CSMD1: variants seen among roughly 807,000 people sequenced by gnomAD.
The protein encoded by CSMD1 is CUB and Sushi multiple domains 1.
Under a neutral mutation model 417.5 loss-of-function variants are expected in CSMD1, and 213 were observed. The ratio of observed to expected loss-of-function variants is 0.51; its 90% CI spans 0.46 to 0.57. The LOEUF (loss-of-function observed/expected upper bound fraction) is 0.57, where lower values mean the gene tolerates loss of function less well. Ranked by LOEUF, CSMD1 falls within the 20% of genes least tolerant of loss-of-function variation. The pLI, the probability that CSMD1 is intolerant of heterozygous loss-of-function variation, is 0.00. For synonymous variants in CSMD1, 2,862 were observed against 1,736.8 expected (o/e 1.65, Z -16.11); for missense variants, 6,923 against 4,529.7 (o/e 1.53, Z -15.17).
intron 1 of CSMD1, among the ~76,000 whole-genome samples, chr8:4,688,151 G>A (rs928905408): frequency 6.6e-6 from 1 of 152,004 alleles, no homozygotes. Flanking sequence ...AAGGTTCTAA[G>A]GTATTTGATT....
intron 3 of CSMD1, among the ~76,000 whole-genome samples, chr8:4,153,397 G>C (rs559932861): frequency 1.3e-5 from 2 of 152,264 alleles, no homozygotes; most frequent in East Asian, 1.9e-4. Flanking sequence ...TGCAGTTCTA[G>C]GTTCCCTAGC....
intron 5 of CSMD1, among the ~76,000 whole-genome samples, chr8:3,767,495 C>T (rs1798342413): frequency 6.6e-6 from 1 of 152,180 alleles, no homozygotes; most frequent in African/African-American, 2.4e-5. Context: ...TTCTACTTCC[C>T]CCAACCTAAC....
chr8:4,288,389 T>A (rs1287227813), intron 3 of CSMD1, among the ~76,000 whole-genome samples: 1 of 152,188 alleles, frequency 6.6e-6, no homozygotes, highest in Non-Finnish European at 1.5e-5. Flanking sequence ...CTTACAAGAA[T>A]GACCTACAAA....
intron 51 of CSMD1, among the ~76,000 whole-genome samples, chr8:3,026,652 T>C (rs920377890): frequency 1.3e-5 from 2 of 152,200 alleles, no homozygotes; most frequent in African/African-American, 4.8e-5. Context: ...CCGTGAACTC[T>C]GCCCTGTGAG....
intron 1 of CSMD1, among the ~76,000 whole-genome samples, chr8:4,848,673 G>T (rs1458987315): frequency 1.3e-5 from 2 of 151,840 alleles, no homozygotes; most frequent in Admixed American, 1.3e-4. Flanking sequence ...TCGAGTAGCT[G>T]GGATTACAGG....
intron 25 of CSMD1, 125 bp from the exon 26 acceptor site, chr8:3,284,471 C>A (rs371933791): frequency 4.4e-6 from 3 of 686,288 alleles, no homozygotes; most frequent in Admixed American, 2.3e-5. Context: ...TCGGTACTTA[C>A]TGTCTGACAA....
At chr8:3,207,351 G>C (rs1041426106) in intron 30 of CSMD1, among the ~76,000 whole-genome samples, 2 of 150,250 alleles carry the variant, frequency 1.3e-5, no homozygotes, top group African/African-American at 2.5e-5. Context: ...TATGATGTTG[G>C]TCAGGCTGGT....
chr8:3,255,533 C>G (rs936570028), intron 26 of CSMD1, among the ~76,000 whole-genome samples: 1 of 152,206 alleles, frequency 6.6e-6, no homozygotes, highest in Non-Finnish European at 1.5e-5. Context: ...GAGCTTCCCA[C>G]CTGCTTTGTT....
chr8:2,994,129 G>C (rs1235484867), intron 54 of CSMD1, among the ~76,000 whole-genome samples: 1 of 70,506 alleles, frequency 1.4e-5, no homozygotes, highest in Admixed American at 2.3e-4. Flanking sequence ...CTGGGCAACA[G>C]AGCAAAACTC....
chr8:3,798,933 C>CAT (rs1800310731), intron 5 of CSMD1, among the ~76,000 whole-genome samples: 1 of 151,820 alleles, frequency 6.6e-6, no homozygotes, highest in Non-Finnish European at 1.5e-5. Flanking sequence ...CTAAACATAT[C>CAT]ATATATATAA....
At chr8:4,082,319 A>G (rs1395051287) in intron 3 of CSMD1, among the ~76,000 whole-genome samples, 1 of 152,204 alleles carries the variant, frequency 6.6e-6, no homozygotes, top group South Asian at 2.1e-4. Flanking sequence ...TTAATATTTG[A>G]TATTACAAAC....
chr8:4,897,829 T>C lies in CSMD1; in HGVS notation c.85+96503A>G, dbSNP rs117054550. ...AGAGACAGAGACTTAAATAAGTTTT[T>C]GTATAATGCTAAGAAGAGAAAGGCA... is the stretch of plus-strand genomic sequence containing the variant. On this transcript the variant is annotated intron_variant, in intron 1 of 69. Transcript: ENST00000635120. Among the ~76,000 whole-genome samples the C allele has an allele frequency of 3.5e-3, 537 of 152,304 alleles. 12 individuals carry two copies. The South Asian group carries it at 0.045, about 13-fold the overall frequency.
chr8:4,934,919 GCAATCATCCAT>G (rs1234231306), intron 1 of CSMD1, among the ~76,000 whole-genome samples: 3 of 151,976 alleles, frequency 2.0e-5, no homozygotes, highest in African/African-American at 7.3e-5. Context: ...GTATCAATCA[GCAATCATCCAT>G]CAATCATCTA....
intron 25 of CSMD1, among the ~76,000 whole-genome samples, chr8:3,293,991 C>G (rs1402493812): frequency 1.3e-5 from 2 of 150,664 alleles, no homozygotes; most frequent in African/African-American, 4.8e-5. Flanking sequence ...TGATGACGTA[C>G]AGATGGGGTT....
At chr8:3,567,161 C>T (rs774556783) in intron 10 of CSMD1, among the ~76,000 whole-genome samples, 5 of 151,976 alleles carry the variant, frequency 3.3e-5, no homozygotes, top group South Asian at 2.1e-4. Context: ...AGCAAACTAG[C>T]GCAGCAGCAG....
At chr8:3,025,605 A>G (rs990020553) in intron 51 of CSMD1, among the ~76,000 whole-genome samples, 1 of 152,268 alleles carries the variant, frequency 6.6e-6, no homozygotes, top group Admixed American at 6.5e-5. Context: ...TCCAATGACT[A>G]CACTACCAAC....
At chr8:3,147,398 C>A (rs1302801189) in intron 40 of CSMD1, among the ~76,000 whole-genome samples, 3 of 152,144 alleles carry the variant, frequency 2.0e-5, no homozygotes, top group Non-Finnish European at 4.4e-5. Context: ...TTGTGCATTT[C>A]TCATCTTATT....
chr8:3,957,196 A>G, intron 5 of CSMD1, among the ~76,000 whole-genome samples: 1 of 152,164 alleles, frequency 6.6e-6, no homozygotes, highest in Non-Finnish European at 1.5e-5. Context: ...CAGAACTAAA[A>G]CATTTCTCAA....
intron 5 of CSMD1, among the ~76,000 whole-genome samples, chr8:3,774,148 C>G (rs1473424512): frequency 6.6e-6 from 1 of 152,168 alleles, no homozygotes; most frequent in South Asian, 2.1e-4. Flanking sequence ...TTACGCTGCA[C>G]AAAGTGTTAT....
Sources: gnomAD v4.1 joint callset for allele counts (sites outside exome capture counted in the v4.1 genomes callset) on GRCh38, gnomAD v4.1.1 for gene constraint, MANE v1.5 for transcripts, NCBI Gene and HGNC (gene_info 2026-07-23, HGNC 2026-07-21) for gene names.